The following BICC1 variants were observed in gnomAD, a reference collection of about 807,000 sequenced individuals.
The protein encoded by BICC1 is protein bicaudal C homolog 1.
A neutral mutation model predicts 111.0 loss-of-function variants in BICC1; 43 were observed. The ratio of observed to expected loss-of-function variants is 0.39; its 90% confidence interval spans 0.30 to 0.50. The LOEUF is 0.50. Ranked by LOEUF, BICC1 falls within the 20% of genes least tolerant of loss-of-function variation. The probability of loss-of-function intolerance (pLI) is 0.88; values close to 1 mark genes in which losing one functional copy is unlikely to be tolerated. For missense variants in BICC1, 1,091 were observed against 1,203.2 expected (o/e 0.91, Z 1.38); for synonymous variants, 467 against 434.4 (o/e 1.07, Z -0.93).
Position 58,829,110 on chromosome 10 carries a change from T to C in BICC1, c.*219T>C. 4.6e-6 allele frequency: 2 copies of C among 435,332 alleles called. No individual in the cohort carries two copies. The highest frequency in any genetic ancestry group is 4.3e-5 in the East Asian group (1 of 23,344). The allele number at this position is 435,332 out of a possible 1,614,324, so 27.0% of individuals were successfully genotyped here. A position where few individuals can be genotyped will look rare whatever the true frequency, so the allele number is the denominator to read the frequency against. On this transcript the variant is annotated 3_prime_UTR_variant, in exon 21 of 21. Transcript: ENST00000373886. ...CCAAATATGGATTACTTTTTTAAAATGGCAGTTGGACAGAATTTGCAATAT... is the reference window on the plus strand; with the variant it reads ...CCAAATATGGATTACTTTTTTAAAACGGCAGTTGGACAGAATTTGCAATAT...
At chr10:58,773,590 T>C (rs1163384114) in intron 3 of BICC1, among the ~76,000 whole-genome samples, 2 of 152,204 alleles carry the variant, frequency 1.3e-5, no homozygotes, top group South Asian at 2.1e-4. Flanking sequence ...GCCAAGAGAC[T>C]ACTCAGTGGA....
At chr10:58,715,712 A>C in intron 3 of BICC1, 1 of 1,580,186 alleles carries the variant, frequency 6.3e-7, no homozygotes. Flanking sequence ...AGAAAAAGAA[A>C]GGTTCCAAGG....
At chr10:58,805,756 T>C (rs966549584) in intron 15 of BICC1, among the ~76,000 whole-genome samples, 5 of 152,354 alleles carry the variant, frequency 3.3e-5, no homozygotes, top group South Asian at 4.1e-4. Flanking sequence ...CTCTTGCCAA[T>C]TGGCCCTTGG....
At chr10:58,670,035 G>A (rs1426065170) in intron 2 of BICC1, among the ~76,000 whole-genome samples, 1 of 152,046 alleles carries the variant, frequency 6.6e-6, no homozygotes, top group African/African-American at 2.4e-5. Flanking sequence ...AATGCAGCTT[G>A]GTTAAAGTTT....
At chr10:58,524,521 C>A (rs553009513) in intron 1 of BICC1, among the ~76,000 whole-genome samples, 11 of 152,302 alleles carry the variant, frequency 7.2e-5, no homozygotes, top group African/African-American at 2.6e-4. Flanking sequence ...AACTGGATCC[C>A]TTCCTTACAC....
At chr10:58,515,391 G>C (rs1440697960) in intron 1 of BICC1, among the ~76,000 whole-genome samples, 1 of 152,118 alleles carries the variant, frequency 6.6e-6, no homozygotes, top group East Asian at 1.9e-4. Context: ...TACTACCTAA[G>C]CTATATGGTA....
rs750065754 is a variant in BICC1, at chr10:58,800,201, A to C, written c.1733A>C (p.Asp578Ala). 5 of 1,596,592 alleles carry C rather than the reference A, an allele frequency of 3.1e-6. No homozygotes were observed. The highest frequency in any genetic ancestry group is 1.7e-4 in the Middle Eastern group (1 of 5,982). The change falls in exon 13 of 21, where the codon GAT (aspartate) becomes GCT (alanine). Residue 578 changes from aspartate (D) to alanine (A), a missense_variant. Transcript: ENST00000373886. ...TTTCTATTATTATTTTAGTCTCCAG[A>C]TATAAAATATGGTGCAATATCCACT... ...AALNGHAQSP[D>A]IKYGAISTSS...
rs1384027197 is a variant in BICC1, at chr10:58,831,190, A to G, written c.*2299A>G. On this transcript the variant is annotated 3_prime_UTR_variant, in exon 21 of 21. Coordinates refer to ENST00000373886, the MANE Select transcript of BICC1 (RefSeq NM_001080512.3). ...CTACAGTATACAGAGTTGTTGTTAT[A>G]TGATGCACAAAATATTTTGATGATT... The G allele has an allele frequency of 6.6e-6, 1 of 152,210 alleles. No individual in the cohort carries two copies. The highest frequency in any genetic ancestry group is 1.9e-4 in the East Asian group (1 of 5,198). 9.4% of individuals were successfully genotyped at this position (152,210 alleles called of 1,614,324 possible).
chr10:58,732,579 G>A (rs1841350911), intron 3 of BICC1, among the ~76,000 whole-genome samples: 1 of 151,268 alleles, frequency 6.6e-6, no homozygotes, highest in Non-Finnish European at 1.5e-5. Flanking sequence ...CCAGGAGTTT[G>A]AGACCAGCCT....
chr10:58,552,688 T>A (rs1283364172), intron 1 of BICC1, among the ~76,000 whole-genome samples: 2 of 152,154 alleles, frequency 1.3e-5, no homozygotes, highest in South Asian at 4.1e-4. Context: ...TGACCAGAAA[T>A]AAGGAAATTG....
At chr10:58,709,496 C>A in intron 3 of BICC1, among the ~76,000 whole-genome samples, 1 of 152,174 alleles carries the variant, frequency 6.6e-6, no homozygotes, top group East Asian at 1.9e-4. Context: ...GGGTAAGGAG[C>A]ACGTGGATTT....
At chr10:58,675,760 T>C (rs1564546758) in intron 2 of BICC1, among the ~76,000 whole-genome samples, 1 of 152,358 alleles carries the variant, frequency 6.6e-6, no homozygotes, top group East Asian at 1.9e-4. Context: ...ACCAAATCAT[T>C]ATTTTGTACA....
intron 5 of BICC1, among the ~76,000 whole-genome samples, chr10:58,787,796 A>C (rs72804422): frequency 0.068 from 10,296 of 152,176 alleles, 856 homozygotes; most frequent in African/African-American, 0.2. Flanking sequence ...AGAATATTTA[A>C]AAACTGGTAC....
chr10:58,792,744 G>C (rs757649678), intron 8 of BICC1, among the ~76,000 whole-genome samples: 1 of 152,022 alleles, frequency 6.6e-6, no homozygotes, highest in Non-Finnish European at 1.5e-5. Context: ...TTTACATTAT[G>C]GTGAGTTGTA....
chr10:58,822,131 A>G (rs1844268256), intron 20 of BICC1, among the ~76,000 whole-genome samples: 1 of 152,142 alleles, frequency 6.6e-6, no homozygotes, highest in Non-Finnish European at 1.5e-5. Context: ...GCAGTTTGAA[A>G]CGTGATTAAC....
At chr10:58,656,404 A>AT (rs1358561976) in intron 2 of BICC1, among the ~76,000 whole-genome samples, 3 of 151,014 alleles carry the variant, frequency 2.0e-5, no homozygotes, top group Non-Finnish European at 4.4e-5. Context: ...CAAAAAAGAG[A>AT]TTTTTAGACC....
At chr10:58,589,186 A>G (rs921777418) in intron 1 of BICC1, among the ~76,000 whole-genome samples, 2 of 152,036 alleles carry the variant, frequency 1.3e-5, no homozygotes, top group African/African-American at 4.8e-5. Flanking sequence ...ACGCTCATCC[A>G]TGTAGGATTC....
intron 2 of BICC1, among the ~76,000 whole-genome samples, chr10:58,645,243 A>G (rs1337879031): frequency 6.6e-6 from 1 of 152,008 alleles, no homozygotes; most frequent in African/African-American, 2.4e-5. Flanking sequence ...CTTTGTCTCT[A>G]TTAAAAATAC....
At chr10:58,636,349 G>A (rs568660040) in intron 2 of BICC1, among the ~76,000 whole-genome samples, 4 of 152,092 alleles carry the variant, frequency 2.6e-5, no homozygotes, top group African/African-American at 7.2e-5. Context: ...ATTAAATTTC[G>A]TATTTGTCTT....
Sources: gnomAD v4.1 joint callset for allele counts (sites outside exome capture counted in the v4.1 genomes callset) on GRCh38, gnomAD v4.1.1 for gene constraint, MANE v1.5 for transcripts, NCBI Gene and HGNC (gene_info 2026-07-23, HGNC 2026-07-21) for gene names.